The following IQCJ variants were observed in gnomAD, a reference collection of about 807,000 sequenced individuals.
IQCJ encodes the protein IQ motif containing J.
IQCJ carries 9 observed loss-of-function variants against 11.0 expected under a neutral mutation model. The ratio of observed to expected loss-of-function variants is 0.82; its 90% confidence interval spans 0.49 to 1.43. The LOEUF (loss-of-function observed/expected upper bound fraction) is 1.43. IQCJ is among the 40% of genes most tolerant of loss of function. IQCJ has a pLI of 0.00. For synonymous variants in IQCJ, 55 were observed against 51.3 expected (o/e 1.07, Z -0.31); for missense variants, 146 against 133.2 (o/e 1.10, Z -0.47).
rs566724157 is a variant in IQCJ, at chr3:159,228,197, G to A, written c.10-17646G>A. Among the ~76,000 whole-genome samples, 27 of 152,246 alleles carry A rather than the reference G, an allele frequency of 1.8e-4. No homozygotes were observed. In the South Asian group the frequency reaches 5.6e-3, roughly 32 times the overall value. ...TATCTTGAGCACATAGAGATTACAT[G>A]TCTAAAAGATGTAATAGTAGTTTTA... On this transcript the variant is annotated intron_variant, in intron 1 of 3. Coordinates refer to ENST00000397832, the MANE Select transcript of IQCJ (RefSeq NM_001042706.3).
chr3:159,265,518 T>G, downstream of IQCJ: 1 of 809,574 alleles, frequency 1.2e-6, no homozygotes, highest in East Asian at 2.7e-5. Context: ...ACTTCTGTGT[T>G]AAAAGCCTTC....
chr3:159,148,856 C>G (rs1203189005), intron 1 of IQCJ, among the ~76,000 whole-genome samples: 3 of 152,136 alleles, frequency 2.0e-5, no homozygotes, highest in Non-Finnish European at 4.4e-5. Flanking sequence ...CAGGAAAATT[C>G]AAATGTGCCG....
In IQCJ at chr3:159,094,131, C is replaced by T. The variant is rs141135761; in HGVS notation, c.9+24690C>T. Among the ~76,000 whole-genome samples the T allele has an allele frequency of 6.9e-3, 1,049 of 151,870 alleles. 7 individuals are homozygous for T. Among genetic ancestry groups the T allele is most frequent in the Non-Finnish European group, 0.013 (863 of 68,018 alleles). On this transcript the variant is annotated intron_variant, in intron 1 of 3. Coordinates refer to ENST00000397832, the MANE Select transcript of IQCJ (RefSeq NM_001042706.3). ...TTGGCAATGTCCAAAATCTATGCTC[C>T]TAGCCATCTTCAAAGTGACATTTCC...
intron 1 of IQCJ, among the ~76,000 whole-genome samples, chr3:159,175,226 C>A (rs914128955): frequency 2.6e-5 from 4 of 152,190 alleles, no homozygotes; most frequent in Admixed American, 1.3e-4. Context: ...AATCCCAGCA[C>A]TTCAGGAGGC....
intron 1 of IQCJ, among the ~76,000 whole-genome samples, chr3:159,094,559 C>G (rs886555376): frequency 6.6e-6 from 1 of 151,012 alleles, no homozygotes; most frequent in African/African-American, 2.5e-5. Flanking sequence ...TTACACGATT[C>G]CATCCTTCAA....
At chr3:159,257,108 G>A (rs542664344) in intron 3 of IQCJ, among the ~76,000 whole-genome samples, 7 of 152,250 alleles carry the variant, frequency 4.6e-5, no homozygotes, top group African/African-American at 1.7e-4. Context: ...CTATTTCTGG[G>A]ATGCAATGTT....
At chr3:159,123,789 G>GA (rs1719515016) in intron 1 of IQCJ, among the ~76,000 whole-genome samples, 2 of 152,160 alleles carry the variant, frequency 1.3e-5, no homozygotes, top group Non-Finnish European at 2.9e-5. Context: ...TGAAGATAGA[G>GA]GTTGCCTGTC....
At position 159,072,943 on chromosome 3, in the gene IQCJ, G is replaced by A. The variant is rs149122042; in HGVS notation, c.9+3502G>A. ...AGACTGGTATGGCTAGTTGTTCACT[G>A]GGTGTGTCATTTAGGTTCTCTGGGA... is the stretch of plus-strand genomic sequence containing the variant. On this transcript the variant is annotated intron_variant, in intron 1 of 3. Transcript: ENST00000397832. Among the ~76,000 whole-genome samples the A allele has an allele frequency of 2.1e-3, 319 of 152,168 alleles. 1 individual carries two copies. Among genetic ancestry groups the A allele is most frequent in the African/African-American group, 7.3e-3 (302 of 41,536 alleles).
intron 1 of IQCJ, among the ~76,000 whole-genome samples, chr3:159,191,229 C>A (rs1394803681): frequency 6.6e-6 from 1 of 152,134 alleles, no homozygotes; most frequent in Non-Finnish European, 1.5e-5. Context: ...GGCTTCCCAG[C>A]ACCTTCTCTA....
At chr3:159,212,777 A>G (rs1210569274) in intron 1 of IQCJ, among the ~76,000 whole-genome samples, 1 of 152,176 alleles carries the variant, frequency 6.6e-6, no homozygotes, top group East Asian at 1.9e-4. Flanking sequence ...TTGAAAGGGA[A>G]AATACTCGAA....
At chr3:159,233,973 G>A (rs1490380916) in intron 1 of IQCJ, among the ~76,000 whole-genome samples, 3 of 152,056 alleles carry the variant, frequency 2.0e-5, no homozygotes, top group South Asian at 2.1e-4. Flanking sequence ...TGATAAATCC[G>A]AGCAGTTTGC....
At chr3:159,230,488 T>C (rs1013718795) in intron 1 of IQCJ, among the ~76,000 whole-genome samples, 1 of 152,200 alleles carries the variant, frequency 6.6e-6, no homozygotes, top group African/African-American at 2.4e-5. Flanking sequence ...TCCAGGAGAT[T>C]ATAATACAAG....
intron 1 of IQCJ, among the ~76,000 whole-genome samples, chr3:159,163,328 GA>G (rs1721980451): frequency 6.6e-6 from 1 of 152,260 alleles, no homozygotes; most frequent in Admixed American, 6.5e-5. Flanking sequence ...AAAACCACAT[GA>G]CTATCTCAAT....
At chr3:159,127,654 T>C (rs906955719) in intron 1 of IQCJ, among the ~76,000 whole-genome samples, 3 of 152,210 alleles carry the variant, frequency 2.0e-5, no homozygotes, top group Admixed American at 1.3e-4. Context: ...GCATAGTGCA[T>C]TTAGTCGTGT....
intron 1 of IQCJ, among the ~76,000 whole-genome samples, chr3:159,114,335 T>C (rs1577016852): frequency 6.9e-6 from 1 of 143,972 alleles, no homozygotes; most frequent in African/African-American, 2.5e-5. Flanking sequence ...TTCTGAGACG[T>C]AGTCTTGCTA....
At chr3:159,145,209 T>C (rs1720856300) in intron 1 of IQCJ, among the ~76,000 whole-genome samples, 1 of 152,176 alleles carries the variant, frequency 6.6e-6, no homozygotes, top group Non-Finnish European at 1.5e-5. Flanking sequence ...GTTGCTATGG[T>C]GATTTCCCTA....
At chr3:159,122,312 C>G (rs1719423304) in intron 1 of IQCJ, among the ~76,000 whole-genome samples, 1 of 152,154 alleles carries the variant, frequency 6.6e-6, no homozygotes, top group South Asian at 2.1e-4. Flanking sequence ...CAGTTCATAA[C>G]AGATTACATG....
chr3:159,203,424 T>C (rs1030097835), intron 1 of IQCJ, among the ~76,000 whole-genome samples: 1 of 151,714 alleles, frequency 6.6e-6, no homozygotes, highest in African/African-American at 2.4e-5. Context: ...GTTTAGTGTG[T>C]GCTCCTTCTG....
At chr3:159,088,407 T>C (rs1259699785) in intron 1 of IQCJ, among the ~76,000 whole-genome samples, 1 of 152,140 alleles carries the variant, frequency 6.6e-6, no homozygotes, top group Non-Finnish European at 1.5e-5. Flanking sequence ...TGATTTGGGG[T>C]GGAGAGTTCT....
Sources: allele counts gnomAD v4.1 joint callset (sites outside exome capture counted in the v4.1 genomes callset), GRCh38; gene constraint gnomAD v4.1.1; transcripts MANE v1.5; gene names NCBI Gene and HGNC (gene_info 2026-07-23, HGNC 2026-07-21).